PTPRT: variants seen among roughly 807,000 people sequenced by gnomAD.
PTPRT encodes receptor-type tyrosine-protein phosphatase T.
Under a neutral mutation model 176.8 loss-of-function variants are expected in PTPRT, and 56 were observed. The observed-to-expected ratio is 0.32, with a 90% CI of 0.26 to 0.40. The LOEUF (loss-of-function observed/expected upper bound fraction) is 0.40. Among genes scored for constraint, PTPRT ranks in the 10% least tolerant of loss-of-function variants. PTPRT has a pLI of 1.00. For missense variants in PTPRT, 1,540 were observed against 1,908.2 expected (o/e 0.81, Z 3.60); for synonymous variants, 783 against 739.0 (o/e 1.06, Z -0.96).
At chr20:42,998,124 A>T (rs897314581) in intron 1 of PTPRT, among the ~76,000 whole-genome samples, 4 of 152,220 alleles carry the variant, frequency 2.6e-5, no homozygotes, top group African/African-American at 9.6e-5. Context: ...CCCTCTATGG[A>T]AAAGTAAAAT....
At chr20:42,660,626 A>T (rs1487794431) in intron 7 of PTPRT, among the ~76,000 whole-genome samples, 1 of 152,144 alleles carries the variant, frequency 6.6e-6, no homozygotes, top group Non-Finnish European at 1.5e-5. Flanking sequence ...TCCAGTGCAC[A>T]CATTTGTCTC....
At chr20:42,425,758 A>G (rs1319790250) in intron 9 of PTPRT, among the ~76,000 whole-genome samples, 2 of 152,296 alleles carry the variant, frequency 1.3e-5, no homozygotes, top group South Asian at 2.1e-4. Flanking sequence ...GTACACTTCA[A>G]TAAAGCTGGG....
chr20:42,876,906 G>A (rs2078941378), intron 2 of PTPRT, among the ~76,000 whole-genome samples: 1 of 152,128 alleles, frequency 6.6e-6, no homozygotes, highest in African/African-American at 2.4e-5. Context: ...TGTGAGGGGA[G>A]TCAGGGAGGG....
At chr20:42,607,071 T>C (rs1050615150) in intron 7 of PTPRT, among the ~76,000 whole-genome samples, 2 of 152,182 alleles carry the variant, frequency 1.3e-5, no homozygotes, top group South Asian at 2.1e-4. Flanking sequence ...CTTAAGCTAA[T>C]TGAAATAAGT....
intron 15 of PTPRT, among the ~76,000 whole-genome samples, chr20:42,204,910 T>C (rs2055414673): frequency 6.6e-6 from 1 of 151,860 alleles, no homozygotes; most frequent in African/African-American, 2.4e-5. Flanking sequence ...CATCTGATGG[T>C]TGGGTCTCTA....
intron 16 of PTPRT, among the ~76,000 whole-genome samples, chr20:42,189,375 C>G (rs887862358): frequency 3.3e-5 from 5 of 152,302 alleles, no homozygotes; most frequent in Admixed American, 2.6e-4. Context: ...TTTTCTCTAT[C>G]ATTTATCACA....
intron 6 of PTPRT, chr20:42,685,603 C>T (rs887469837): frequency 6.6e-6 from 1 of 152,118 alleles, no homozygotes; most frequent in African/African-American, 2.4e-5. Flanking sequence ...TCATAAATTC[C>T]TATGAAAAAG....
intron 1 of PTPRT, among the ~76,000 whole-genome samples, chr20:42,923,572 C>G (rs1013867217): frequency 6.6e-6 from 1 of 152,220 alleles, no homozygotes; most frequent in Non-Finnish European, 1.5e-5. Context: ...TCTCAGTCAT[C>G]CTCATCATAG....
intron 6 of PTPRT, among the ~76,000 whole-genome samples, chr20:42,737,698 C>G (rs771005790): frequency 2.0e-5 from 3 of 151,756 alleles, no homozygotes; most frequent in African/African-American, 7.3e-5. Context: ...CCTACTGACA[C>G]TTGGACCTTG....
intron 2 of PTPRT, among the ~76,000 whole-genome samples, chr20:42,810,621 G>A (rs1343614581): frequency 6.6e-6 from 1 of 152,194 alleles, no homozygotes; most frequent in African/African-American, 2.4e-5. Context: ...GGTGTCTATA[G>A]TCCTTCATCT....
In PTPRT at chr20:42,074,792, T is replaced by C. The variant is rs756056702; in HGVS notation, c.*6087A>G. The C allele has an allele frequency of 7.6e-4, 303 of 398,512 alleles. 1 individual carries two copies. Among genetic ancestry groups the C allele is most frequent in the Non-Finnish European group, 1.1e-3 (247 of 226,046 alleles). 24.7% of individuals were successfully genotyped at this position (398,512 alleles called of 1,614,324 possible). A position where few individuals can be genotyped will look rare whatever the true frequency, so the allele number is the denominator to read the frequency against. ...GACCTTTTCCCATCTCTTCTGGAGGTGGGCAGGTGGGATGCAAAAGACTGG... is the reference window on the plus strand; with the variant it reads ...GACCTTTTCCCATCTCTTCTGGAGGCGGGCAGGTGGGATGCAAAAGACTGG... On this transcript the variant is annotated 3_prime_UTR_variant, in exon 31 of 31. Coordinates refer to ENST00000373187, the MANE Select transcript of PTPRT (RefSeq NM_007050.6).
chr20:42,125,940 G>A (rs535492500), intron 19 of PTPRT, among the ~76,000 whole-genome samples: 4 of 146,226 alleles, frequency 2.7e-5, no homozygotes, highest in African/African-American at 1.0e-4. Flanking sequence ...AGGTCGAGGA[G>A]AAATGGAAGG....
chr20:42,418,464 C>G (rs1458004040), intron 9 of PTPRT, among the ~76,000 whole-genome samples: 1 of 152,058 alleles, frequency 6.6e-6, no homozygotes, highest in African/African-American at 2.4e-5. Context: ...CAGCAAGGAC[C>G]ATGAGTTAGA....
At chr20:43,063,969 G>A (rs893856391) in intron 1 of PTPRT, among the ~76,000 whole-genome samples, 2 of 151,868 alleles carry the variant, frequency 1.3e-5, no homozygotes, top group African/African-American at 4.8e-5. Context: ...AGCATGGTAC[G>A]TTTATGATTT....
At chr20:43,003,751 T>G (rs1305171311) in intron 1 of PTPRT, among the ~76,000 whole-genome samples, 1 of 152,236 alleles carries the variant, frequency 6.6e-6, no homozygotes, top group Non-Finnish European at 1.5e-5. Context: ...AATCACCATC[T>G]GTATTTTAAC....
the PTPRT span, among the ~76,000 whole-genome samples, chr20:42,066,739 A>C: frequency 1.3e-5 from 2 of 152,256 alleles, no homozygotes; most frequent in East Asian, 1.9e-4. Flanking sequence ...AAGATTTTAA[A>C]ATTTACTAGC....
intron 23 of PTPRT, among the ~76,000 whole-genome samples, chr20:42,107,292 G>A (rs1293347037): frequency 1.3e-5 from 2 of 152,174 alleles, no homozygotes. Context: ...AGAACAGAGG[G>A]GAGATGAATG....
intron 1 of PTPRT, among the ~76,000 whole-genome samples, chr20:42,995,672 A>T (rs1014175541): frequency 1.3e-5 from 2 of 152,144 alleles, no homozygotes; most frequent in Non-Finnish European, 2.9e-5. Flanking sequence ...AGAACACAGG[A>T]TCTTACCATC....
intron 7 of PTPRT, among the ~76,000 whole-genome samples, chr20:42,473,424 T>G (rs1033291334): frequency 6.6e-6 from 1 of 152,228 alleles, no homozygotes; most frequent in African/African-American, 2.4e-5. Flanking sequence ...TCAAAAATCC[T>G]CACATGTAAA....
Sources: gnomAD v4.1 joint callset for allele counts (sites outside exome capture counted in the v4.1 genomes callset) on GRCh38, gnomAD v4.1.1 for gene constraint, MANE v1.5 for transcripts, NCBI Gene and HGNC (gene_info 2026-07-23, HGNC 2026-07-21) for gene names.